The following HS6ST3 variants were observed in gnomAD, a reference collection of about 807,000 sequenced individuals.
HS6ST3 encodes heparan sulfate 6-O-sulfotransferase 3.
HS6ST3 carries 12 observed loss-of-function variants against 36.7 expected under a neutral mutation model. The ratio of observed to expected loss-of-function variants is 0.33; its 90% CI spans 0.21 to 0.53. The LOEUF (loss-of-function observed/expected upper bound fraction) is 0.53, where lower values mean the gene tolerates loss of function less well. Ranked by LOEUF, HS6ST3 falls within the 20% of genes least tolerant of loss-of-function variation. The probability of loss-of-function intolerance (pLI) is 0.95; values close to 1 mark genes in which losing one functional copy is unlikely to be tolerated. For synonymous variants in HS6ST3, 240 were observed against 257.5 expected, an observed-to-expected ratio of 0.93 and a Z score of 0.65; for missense variants, 584 against 640.9, an observed-to-expected ratio of 0.91 and a Z score of 0.96.
chr13:96,470,278 T>C (rs756145542), intron 1 of HS6ST3, among the ~76,000 whole-genome samples: 2 of 152,196 alleles, frequency 1.3e-5, no homozygotes, highest in Admixed American at 1.3e-4. Flanking sequence ...GGAACAGTAA[T>C]TAGTTTTTAA....
chr13:96,277,640 C>A (rs890981225), intron 1 of HS6ST3, among the ~76,000 whole-genome samples: 1 of 151,980 alleles, frequency 6.6e-6, no homozygotes, highest in African/African-American at 2.4e-5. Context: ...GATTATATAT[C>A]AACATGAAAA....
intron 1 of HS6ST3, among the ~76,000 whole-genome samples, chr13:96,616,338 T>C (rs1285545012): frequency 2.0e-5 from 3 of 152,178 alleles, no homozygotes; most frequent in East Asian, 3.9e-4. Flanking sequence ...AAAACTTTCT[T>C]TTACATTCTC....
chr13:96,744,995 C>G (rs1161528276), intron 1 of HS6ST3, among the ~76,000 whole-genome samples: 2 of 152,052 alleles, frequency 1.3e-5, no homozygotes, highest in African/African-American at 2.4e-5. Flanking sequence ...GATCAAATAT[C>G]TTACATAGCA....
At chr13:96,701,804 A>G (rs183815213) in intron 1 of HS6ST3, among the ~76,000 whole-genome samples, 11 of 152,248 alleles carry the variant, frequency 7.2e-5, no homozygotes, top group Admixed American at 2.0e-4. Flanking sequence ...TACAAAAAAA[A>G]TACAAAAATT....
chr13:96,730,578 T>A (rs1034750174), intron 1 of HS6ST3, among the ~76,000 whole-genome samples: 2 of 151,702 alleles, frequency 1.3e-5, no homozygotes, highest in Admixed American at 6.6e-5. Flanking sequence ...AATGTGATAT[T>A]TTTTTTTGAG....
At chr13:96,649,940 G>T (rs2056601950) in intron 1 of HS6ST3, among the ~76,000 whole-genome samples, 1 of 151,880 alleles carries the variant, frequency 6.6e-6, no homozygotes, top group East Asian at 2.0e-4. Flanking sequence ...TAGCTATGCT[G>T]GCCTCCTTGC....
At chr13:96,601,200 G>A (rs1000133805) in intron 1 of HS6ST3, among the ~76,000 whole-genome samples, 9 of 151,882 alleles carry the variant, frequency 5.9e-5, no homozygotes, top group African/African-American at 2.2e-4. Flanking sequence ...CTTGTATTTG[G>A]ATATCTAAAT....
chr13:96,679,698 T>C (rs1401392775), intron 1 of HS6ST3, among the ~76,000 whole-genome samples: 3 of 152,170 alleles, frequency 2.0e-5, no homozygotes, highest in South Asian at 2.1e-4. Context: ...CTTCCCTAGC[T>C]TCCTGCCCCT....
intron 1 of HS6ST3, chr13:96,427,240 G>A (rs890764573): frequency 3.2e-5 from 5 of 154,276 alleles, no homozygotes; most frequent in Middle Eastern, 5.1e-4. Flanking sequence ...ATGTGACCTC[G>A]GATGAATCAC....
intron 1 of HS6ST3, among the ~76,000 whole-genome samples, chr13:96,712,278 C>A (rs146511056): frequency 3.3e-5 from 5 of 152,078 alleles, no homozygotes; most frequent in African/African-American, 1.2e-4. Flanking sequence ...TGAACAGCAA[C>A]GTAAGAGACA....
At chr13:96,614,811 C>T (rs1237083765) in intron 1 of HS6ST3, among the ~76,000 whole-genome samples, 5 of 152,200 alleles carry the variant, frequency 3.3e-5, no homozygotes, top group African/African-American at 7.2e-5. Context: ...TTAGAATTGA[C>T]GTTTTGCCAC....
At chr13:96,181,471 A>G (rs923907103) in intron 1 of HS6ST3, among the ~76,000 whole-genome samples, 21 of 152,180 alleles carry the variant, frequency 1.4e-4, no homozygotes, top group Non-Finnish European at 3.1e-4. Flanking sequence ...TGAGGAAAGG[A>G]GAGGTTTTTT....
chr13:96,505,254 A>G (rs2056021641), intron 1 of HS6ST3, among the ~76,000 whole-genome samples: 1 of 152,172 alleles, frequency 6.6e-6, no homozygotes, highest in African/African-American at 2.4e-5. Flanking sequence ...GCAAGAAAAT[A>G]TGAACAGGCA....
chr13:96,366,371 G>A lies in HS6ST3; in HGVS notation c.707+274802G>A, dbSNP rs559899568. On this transcript the variant is annotated intron_variant, in intron 1 of 1. Transcript: ENST00000376705. Reference sequence around the variant, plus strand: ...ACCCATGCTCCCAGCTACTTGGGACGCTGAGGCAGGGAGGTTGCAGTGAGT... The same window carrying A: ...ACCCATGCTCCCAGCTACTTGGGACACTGAGGCAGGGAGGTTGCAGTGAGT... Among the ~76,000 whole-genome samples the A allele has an allele frequency of 3.3e-5, 5 of 151,994 alleles. No homozygotes were observed. In the East Asian group the frequency reaches 7.7e-4, roughly 24 times the overall value.
At chr13:96,356,508 A>G (rs1195120877) in intron 1 of HS6ST3, among the ~76,000 whole-genome samples, 1 of 152,200 alleles carries the variant, frequency 6.6e-6, no homozygotes, top group East Asian at 1.9e-4. Context: ...CTCCTTGTAC[A>G]TTTCCATCAG....
intron 1 of HS6ST3, among the ~76,000 whole-genome samples, chr13:96,155,209 A>G (rs1317010716): frequency 4.6e-5 from 7 of 152,210 alleles, no homozygotes; most frequent in African/African-American, 1.7e-4. Flanking sequence ...AAAAATATGT[A>G]TGGAAAAAAC....
At chr13:96,610,838 T>C (rs1160968297) in intron 1 of HS6ST3, among the ~76,000 whole-genome samples, 1 of 150,652 alleles carries the variant, frequency 6.6e-6, no homozygotes, top group Non-Finnish European at 1.5e-5. Flanking sequence ...AGTTTGTAGC[T>C]GTGCTGAAAA....
At chr13:96,630,239 T>C (rs1244368062) in intron 1 of HS6ST3, among the ~76,000 whole-genome samples, 1 of 152,200 alleles carries the variant, frequency 6.6e-6, no homozygotes, top group Non-Finnish European at 1.5e-5. Flanking sequence ...TGGTGTGCTG[T>C]TTCTGTGTGT....
chr13:96,440,032 T>G (rs1359230701), intron 1 of HS6ST3, among the ~76,000 whole-genome samples: 1 of 152,238 alleles, frequency 6.6e-6, no homozygotes, highest in Admixed American at 6.5e-5. Flanking sequence ...TAGAGTGATA[T>G]GCTCCATTTA....
Sources: allele counts gnomAD v4.1 joint callset (sites outside exome capture counted in the v4.1 genomes callset), GRCh38; gene constraint gnomAD v4.1.1; transcripts MANE v1.5; gene names NCBI Gene and HGNC (gene_info 2026-07-23, HGNC 2026-07-21).